Variants in RSPH14 observed in about 807,000 individuals in gnomAD.
RSPH14 encodes the protein rhabdoid tumor deletion region gene 1.
A neutral mutation model predicts 26.7 loss-of-function variants in RSPH14; 20 were observed. That is an observed-to-expected ratio of 0.75 (90% CI 0.53 to 1.09). RSPH14 has a LOEUF of 1.09. Ranked by LOEUF, RSPH14 falls within the 50% of genes least tolerant of loss-of-function variation. RSPH14 has a pLI of 0.00. For synonymous variants in RSPH14, 177 were observed against 189.3 expected (o/e 0.93, Z 0.53); for missense variants, 449 against 457.2 (o/e 0.98, Z 0.16).
At chr22:23,079,123 C>G (rs2146264760) in intron 4 of RSPH14, among the ~76,000 whole-genome samples, 1 of 152,320 alleles carries the variant, frequency 6.6e-6, no homozygotes, top group East Asian at 1.9e-4. Context: ...ACCAACAGTC[C>G]CTGCCCTATG....
chr22:23,072,080 C>T (rs953357578), intron 4 of RSPH14, among the ~76,000 whole-genome samples: 1 of 152,066 alleles, frequency 6.6e-6, no homozygotes, highest in African/African-American at 2.4e-5. Context: ...GAAGAGCTAG[C>T]TTTAAAGACT....
chr22:23,060,722 C>A (rs1009794979), intron 6 of RSPH14, among the ~76,000 whole-genome samples: 10 of 152,134 alleles, frequency 6.6e-5, no homozygotes, highest in Non-Finnish European at 1.5e-4. Flanking sequence ...TTCCCAGAGG[C>A]GACTTGTCCC....
intron 6 of RSPH14, among the ~76,000 whole-genome samples, chr22:23,060,327 C>T (rs1379866329): frequency 8.6e-5 from 13 of 151,988 alleles, no homozygotes; most frequent in Non-Finnish European, 1.3e-4. Context: ...AAAAATTAGC[C>T]GGGCATGGTG....
chr22:23,075,809 G>A (rs575651502), intron 4 of RSPH14, among the ~76,000 whole-genome samples: 64 of 152,344 alleles, frequency 4.2e-4, no homozygotes, highest in Non-Finnish European at 7.3e-4. Flanking sequence ...CTTGGCCCCT[G>A]GGATGGAGAG....
At chr22:23,073,256 C>T (rs1417456469) in intron 4 of RSPH14, among the ~76,000 whole-genome samples, 1 of 152,258 alleles carries the variant, frequency 6.6e-6, no homozygotes, top group Admixed American at 6.5e-5. Context: ...GTAGCCAAGC[C>T]TCTGAGCACC....
chr22:23,101,238 C>T (rs2069295206), intron 4 of RSPH14, among the ~76,000 whole-genome samples: 1 of 151,562 alleles, frequency 6.6e-6, no homozygotes, highest in African/African-American at 2.4e-5. Flanking sequence ...GGTTCCTTCA[C>T]ATACCGCAGG....
intron 4 of RSPH14, among the ~76,000 whole-genome samples, chr22:23,072,960 C>T (rs5759577): frequency 0.11 from 17,098 of 152,242 alleles, 1,652 homozygotes; most frequent in East Asian, 0.51. Flanking sequence ...ACAAGGGCTG[C>T]CCAGGGCCCC....
intron 4 of RSPH14, among the ~76,000 whole-genome samples, chr22:23,074,979 G>A (rs369636434): frequency 1.3e-5 from 2 of 152,196 alleles, no homozygotes; most frequent in African/African-American, 4.8e-5. Context: ...ACCAGCCTGA[G>A]CAACATGTAA....
At chr22:23,072,514 C>T (rs1165285386) in intron 4 of RSPH14, among the ~76,000 whole-genome samples, 1 of 152,214 alleles carries the variant, frequency 6.6e-6, no homozygotes, top group African/African-American at 2.4e-5. Context: ...TCAGCTCCCT[C>T]ATTTCTGGGG....
chr22:23,118,391 GGA>G (rs1489241997), intron 4 of RSPH14, among the ~76,000 whole-genome samples: 1 of 152,260 alleles, frequency 6.6e-6, no homozygotes, highest in Non-Finnish European at 1.5e-5. Flanking sequence ...AGCAGGCCCT[GGA>G]GAGAGCAGGA....
intron 4 of RSPH14, among the ~76,000 whole-genome samples, chr22:23,109,901 G>A (rs56262723): frequency 0.044 from 6,719 of 152,280 alleles, 498 homozygotes; most frequent in African/African-American, 0.15. Context: ...GAGGCTGGCC[G>A]TCAGCACCAT....
intron 4 of RSPH14, among the ~76,000 whole-genome samples, chr22:23,080,068 C>G (rs1193947949): frequency 6.6e-6 from 1 of 152,206 alleles, no homozygotes; most frequent in African/African-American, 2.4e-5. Context: ...GGCTACGGCT[C>G]TCTCCAAGGC....
the RSPH14 span, among the ~76,000 whole-genome samples, chr22:23,172,693 T>C: frequency 2.0e-5 from 3 of 149,598 alleles, no homozygotes; most frequent in African/African-American, 7.4e-5. Flanking sequence ...CTCACACCTT[T>C]AATCCCAGCA....
intron 4 of RSPH14, chr22:23,096,040 G>A (rs2069114038): frequency 1.2e-6 from 2 of 1,606,758 alleles, no homozygotes; most frequent in Non-Finnish European, 1.7e-6. Flanking sequence ...GCCCCGCTGA[G>A]AGCAAGGGCG....
At chr22:23,069,635 C>T (rs1035971753) in intron 4 of RSPH14, among the ~76,000 whole-genome samples, 6 of 152,204 alleles carry the variant, frequency 3.9e-5, no homozygotes, top group South Asian at 4.1e-4. Flanking sequence ...TTCTCCCTTC[C>T]TTCCCTCCCA....
At position 23,118,907 on chromosome 22, in the gene RSPH14, A is replaced by G. The variant is rs139384444; in HGVS notation, c.421+15119T>C. Among the ~76,000 whole-genome samples the G allele has an allele frequency of 6.1e-3, 932 of 152,350 alleles. 7 individuals carry two copies. The highest frequency in any genetic ancestry group is 0.02 in the African/African-American group (851 of 41,588). ...GAAGGAGAACAGAGCCACATCCACC[A>G]AGGGCAGGAGGACCCAGGGGAGCCC... is the stretch of plus-strand genomic sequence containing the variant. On this transcript the variant is annotated intron_variant, in intron 4 of 6. Coordinates refer to ENST00000216036, the MANE Select transcript of RSPH14 (RefSeq NM_014433.3).
At chr22:23,127,582 C>G (rs928047839) in intron 4 of RSPH14, among the ~76,000 whole-genome samples, 24 of 152,186 alleles carry the variant, frequency 1.6e-4, no homozygotes, top group African/African-American at 5.8e-4. Context: ...TGAAGAGGGA[C>G]AGGGTGCAGT....
chr22:23,147,018 G>T (rs1423675289), upstream of RSPH14, among the ~76,000 whole-genome samples: 1 of 152,156 alleles, frequency 6.6e-6, no homozygotes, highest in Non-Finnish European at 1.5e-5. Flanking sequence ...GTTACATGAA[G>T]GTAATTCCTC....
At chr22:23,130,148 AAAGAAAG>A (rs2070312810) in intron 4 of RSPH14, among the ~76,000 whole-genome samples, 2 of 127,718 alleles carry the variant, frequency 1.6e-5, no homozygotes, top group Non-Finnish European at 3.4e-5. Context: ...AGAAAGAAAG[AAAGAAAG>A]AAAGAAAAAG....
Sources: allele counts gnomAD v4.1 joint callset (sites outside exome capture counted in the v4.1 genomes callset), GRCh38; gene constraint gnomAD v4.1.1; transcripts MANE v1.5; gene names NCBI Gene and HGNC (gene_info 2026-07-23, HGNC 2026-07-21).